GRIK1: variants seen among roughly 807,000 people sequenced by gnomAD.
GRIK1 encodes glutamate receptor ionotropic, kainate 1.
Under a neutral mutation model 105.7 loss-of-function variants are expected in GRIK1, and 69 were observed. The ratio of observed to expected loss-of-function variants is 0.65; its 90% CI spans 0.54 to 0.80. GRIK1 has a LOEUF of 0.80. Ranked by LOEUF, GRIK1 falls within the 30% of genes least tolerant of loss-of-function variation. The probability of loss-of-function intolerance (pLI) is 0.00; values close to 1 mark genes in which losing one functional copy is unlikely to be tolerated. For synonymous variants in GRIK1, 438 were observed against 431.3 expected (o/e 1.02, Z -0.19); for missense variants, 1,109 against 1,167.3 (o/e 0.95, Z 0.73).
At chr21:29,824,878 G>A (rs1427387693) in intron 1 of GRIK1, among the ~76,000 whole-genome samples, 1 of 151,968 alleles carries the variant, frequency 6.6e-6, no homozygotes, top group South Asian at 2.1e-4. Context: ...AAAGGGGCAA[G>A]GTCAAAAACA....
chr21:29,647,326 G>T (rs1473413600), intron 6 of GRIK1, among the ~76,000 whole-genome samples: 2 of 152,176 alleles, frequency 1.3e-5, no homozygotes, highest in Non-Finnish European at 2.9e-5. Context: ...ACTTGTTCAG[G>T]TCACTTAGTT....
At chr21:29,728,519 A>T (rs543854890) in intron 1 of GRIK1, among the ~76,000 whole-genome samples, 17 of 152,190 alleles carry the variant, frequency 1.1e-4, no homozygotes, top group African/African-American at 1.9e-4. Context: ...AAGAATGAGG[A>T]TGTGAGAGTT....
At chr21:29,880,386 G>GA (rs1402196338) in intron 1 of GRIK1, among the ~76,000 whole-genome samples, 10 of 152,094 alleles carry the variant, frequency 6.6e-5, no homozygotes, top group Non-Finnish European at 1.0e-4. Context: ...GGTCTGGCAA[G>GA]ATAGCAAATT....
At chr21:29,717,086 G>T (rs960799873) in intron 1 of GRIK1, among the ~76,000 whole-genome samples, 41 of 152,376 alleles carry the variant, frequency 2.7e-4, no homozygotes, top group African/African-American at 8.9e-4. Context: ...GCTTACACAG[G>T]TTGTTGAGGC....
At chr21:29,808,393 T>C (rs1167141807) in intron 1 of GRIK1, among the ~76,000 whole-genome samples, 1 of 152,144 alleles carries the variant, frequency 6.6e-6, no homozygotes, top group Non-Finnish European at 1.5e-5. Flanking sequence ...CCTAATACAA[T>C]ACACAGTTTC....
chr21:29,914,229 C>A (rs1184651561), intron 1 of GRIK1, among the ~76,000 whole-genome samples: 1 of 152,028 alleles, frequency 6.6e-6, no homozygotes, highest in African/African-American at 2.4e-5. Context: ...ATTGGGAGTA[C>A]AAAATCATTG....
chr21:29,909,536 T>C (rs2070746378), intron 1 of GRIK1, among the ~76,000 whole-genome samples: 2 of 152,122 alleles, frequency 1.3e-5, no homozygotes. Flanking sequence ...TCTATACTCA[T>C]GAGTTTGATA....
intron 6 of GRIK1, 80 bp from the exon 7 acceptor site, chr21:29,643,049 T>G (rs762279237): frequency 2.1e-4 from 282 of 1,356,834 alleles, no homozygotes; most frequent in Non-Finnish European, 2.8e-4. Flanking sequence ...TCTCCCTGCT[T>G]CCATAGCTCT....
At chr21:29,928,172 A>C (rs990426934) in intron 1 of GRIK1, among the ~76,000 whole-genome samples, 3 of 152,224 alleles carry the variant, frequency 2.0e-5, no homozygotes, top group Admixed American at 2.0e-4. Context: ...AAACATCCTC[A>C]CATTCAAAGG....
intron 1 of GRIK1, among the ~76,000 whole-genome samples, chr21:29,707,488 G>T (rs1171225068): frequency 5.8e-5 from 1 of 17,128 alleles, no homozygotes; most frequent in Admixed American, 9.7e-4. Context: ...CTTTCTCTTT[G>T]TTTGTTTCCT....
intron 2 of GRIK1, among the ~76,000 whole-genome samples, chr21:29,691,156 C>A (rs1279696967): frequency 1.3e-5 from 2 of 150,964 alleles, no homozygotes; most frequent in African/African-American, 2.5e-5. Context: ...AATAAAAATA[C>A]AAAAATTAGC....
intron 1 of GRIK1, among the ~76,000 whole-genome samples, chr21:29,933,008 G>A (rs1241609986): frequency 6.6e-6 from 1 of 151,528 alleles, no homozygotes; most frequent in Admixed American, 6.6e-5. Flanking sequence ...TAGATTATGT[G>A]GTTTTAAGAA....
intron 1 of GRIK1, among the ~76,000 whole-genome samples, chr21:29,832,749 C>A (rs1327102864): frequency 1.5e-4 from 23 of 152,182 alleles, no homozygotes. Flanking sequence ...GGAGGAGATG[C>A]TTCCTTCAAG....
intron 1 of GRIK1, among the ~76,000 whole-genome samples, chr21:29,844,199 T>TA (rs200911921): frequency 1.5e-4 from 22 of 149,710 alleles, no homozygotes; most frequent in East Asian, 2.0e-4. Context: ...GAATATGATT[T>TA]AAAAAAAAAA....
At chr21:29,638,750 A>G (rs1000277359) in intron 7 of GRIK1, among the ~76,000 whole-genome samples, 8 of 152,232 alleles carry the variant, frequency 5.3e-5, no homozygotes, top group African/African-American at 1.9e-4. Context: ...TCTTACTCCA[A>G]TAGACTTCCT....
intron 1 of GRIK1, among the ~76,000 whole-genome samples, chr21:29,756,498 G>A (rs1240631404): frequency 6.6e-6 from 1 of 152,176 alleles, no homozygotes; most frequent in Non-Finnish European, 1.5e-5. Flanking sequence ...TGGCCTTGGG[G>A]ACAATGCCAC....
intron 1 of GRIK1, among the ~76,000 whole-genome samples, chr21:29,832,251 T>C: frequency 6.6e-6 from 1 of 152,144 alleles, no homozygotes; most frequent in Non-Finnish European, 1.5e-5. Context: ...TGCCTGTGGC[T>C]TTTCCAGGTG....
intron 1 of GRIK1, among the ~76,000 whole-genome samples, chr21:29,764,643 ACAAT>A (rs746240939): frequency 1.3e-5 from 2 of 152,218 alleles, no homozygotes; most frequent in Non-Finnish European, 2.9e-5. Context: ...GTGAAGCCAC[ACAAT>A]CAATGCTGAT....
At chr21:29,672,859 T>C (rs1201917212) in intron 4 of GRIK1, 124 bp downstream of exon 4, 1 of 706,210 alleles carries the variant, frequency 1.4e-6, no homozygotes, top group Non-Finnish European at 2.4e-6. Context: ...AAAATTATAA[T>C]CTTTAGCATA....
Sources: gnomAD v4.1 joint callset for allele counts (sites outside exome capture counted in the v4.1 genomes callset) on GRCh38, gnomAD v4.1.1 for gene constraint, MANE v1.5 for transcripts, NCBI Gene and HGNC (gene_info 2026-07-23, HGNC 2026-07-21) for gene names.